The following RAB8A variants were observed in gnomAD, a reference collection of about 807,000 sequenced individuals.
RAB8A encodes ras-related protein Rab-8A.
In RAB8A, 5 loss-of-function variants were observed where a neutral mutation model predicts 29.2. The observed-to-expected ratio is 0.17, with a 90% CI of 0.09 to 0.36. The LOEUF is 0.36. Among genes scored for constraint, RAB8A ranks in the 10% least tolerant of loss-of-function variants. The probability of loss-of-function intolerance (pLI) is 1.00; values close to 1 mark genes in which losing one functional copy is unlikely to be tolerated. For missense variants in RAB8A, 171 were observed against 272.2 expected (o/e 0.63, Z 2.62); for synonymous variants, 108 against 99.9 (o/e 1.08, Z -0.49).
In RAB8A at chr19:16,127,948, C is replaced by A; in HGVS notation, c.415-78C>A. On this transcript the variant is annotated intron_variant, in intron 5 of 7. Transcript: ENST00000300935. This position sits in a 1 kb window ranked among gnomAD's most constrained non-coding sequence, Gnocchi z 4.8. ...CTGCTCCCTCTTGGCGCCGGCCCTG[C>A]CTTCAGCTCCTGTTTTAGGCAAGCT... 1.3e-6 allele frequency: 2 copies of A among 1,486,526 alleles called. No homozygotes were observed. The highest frequency in any genetic ancestry group is 1.4e-5 in the African/African-American group (1 of 72,228). The allele number at this position is 1,486,526 out of a possible 1,614,324, so 92.1% of individuals were successfully genotyped here.
chr19:16,128,138 C>G, intron 6 of RAB8A, 47 bp downstream of exon 6: 1 of 1,593,868 alleles, frequency 6.3e-7, no homozygotes, highest in Non-Finnish European at 8.6e-7. Flanking sequence ...CAGGATCGGC[C>G]CCTTCAGGCT....
At chr19:16,130,775 C>A (rs536899518) in intron 7 of RAB8A, among the ~76,000 whole-genome samples, 1 of 152,208 alleles carries the variant, frequency 6.6e-6, no homozygotes, top group South Asian at 2.1e-4. Context: ...CTCCGCCTCC[C>A]AAGTAGCTGG....
In RAB8A at chr19:16,127,093, G is replaced by A. The variant is rs971532238; in HGVS notation, c.325-344G>A. The A allele has an allele frequency of 1.1e-5, 2 of 184,320 alleles. No individual in the cohort carries two copies. The highest frequency in any genetic ancestry group is 6.2e-5 in the Admixed American group (1 of 16,138). 11.4% of individuals were successfully genotyped at this position (184,320 alleles called of 1,614,324 possible). A position where few individuals can be genotyped will look rare whatever the true frequency, so the allele number is the denominator to read the frequency against. On this transcript the variant is annotated intron_variant, in intron 4 of 7. Coordinates refer to ENST00000300935, the MANE Select transcript of RAB8A (RefSeq NM_005370.5). The surrounding 1 kb of genome is among the most constrained non-coding windows in gnomAD (Gnocchi z 4.8). ...AGGGAAGGAGGAAAGCCAAGGTCGG[G>A]GGGTAAATATCTCAGCCTCACTCAC...
chr19:16,117,063 G>T (rs983935335), intron 1 of RAB8A, among the ~76,000 whole-genome samples: 1 of 152,148 alleles, frequency 6.6e-6, no homozygotes. Context: ...TCAGCATCCT[G>T]TCTTCAAGGT....
intron 1 of RAB8A, 51 bp downstream of exon 1, chr19:16,112,076 G>A: frequency 1.2e-6 from 2 of 1,602,796 alleles, no homozygotes; most frequent in Non-Finnish European, 1.7e-6. Context: ...GGCTGGGCGC[G>A]CCCCTGAGGG....
At chr19:16,131,600 T>C (rs1317254109) in intron 7 of RAB8A, among the ~76,000 whole-genome samples, 3 of 150,558 alleles carry the variant, frequency 2.0e-5, no homozygotes, top group Non-Finnish European at 4.4e-5. Flanking sequence ...GGTGGATGGA[T>C]GGTTGGAAAG....
intron 1 of RAB8A, among the ~76,000 whole-genome samples, chr19:16,113,462 C>T (rs549650216): frequency 2.0e-5 from 3 of 152,248 alleles, no homozygotes; most frequent in Non-Finnish European, 2.9e-5. Flanking sequence ...AATCCAGCGG[C>T]AGGATCTCGG....
At chr19:16,118,651 G>T (rs1448321466) in intron 2 of RAB8A, among the ~76,000 whole-genome samples, 1 of 152,172 alleles carries the variant, frequency 6.6e-6, no homozygotes, top group Non-Finnish European at 1.5e-5. Flanking sequence ...ACTGTGAGAT[G>T]CCCCAGCCGA....
intron 7 of RAB8A, among the ~76,000 whole-genome samples, chr19:16,131,864 T>A (rs1450680895): frequency 7.3e-6 from 1 of 137,012 alleles, no homozygotes; most frequent in Non-Finnish European, 1.6e-5. Context: ...GGTTGGTTGG[T>A]TGGTTGGTTG....
intron 2 of RAB8A, among the ~76,000 whole-genome samples, chr19:16,120,217 C>G (rs1032578494): frequency 2.6e-5 from 4 of 152,080 alleles, no homozygotes; most frequent in Admixed American, 6.6e-5. Context: ...TAGAGCCCTC[C>G]GGGTCCCAGC....
chr19:16,128,076 C>T lies in RAB8A; in HGVS notation c.465C>T (p.Asn155=). The T allele has an allele frequency of 1.2e-6, 2 of 1,614,158 alleles. No individual in the cohort carries two copies. Among genetic ancestry groups the T allele is most frequent in the South Asian group, 1.1e-5 (1 of 91,086 alleles). The part of the protein sequence containing the change: ...IKFMETSAKA[N]INVENAFFTL... ...TCATGGAGACCAGCGCGAAGGCCAACATCAATGTGGAAAATGTGAGTCCCG... is the reference window on the plus strand; with the variant it reads ...TCATGGAGACCAGCGCGAAGGCCAATATCAATGTGGAAAATGTGAGTCCCG... The change falls in exon 6 of 8, where the codon AAC becomes AAT. Residue 155 remains asparagine, a synonymous_variant. Transcript: ENST00000300935.
intron 1 of RAB8A, 86 bp from the exon 2 acceptor site, chr19:16,118,140 C>T: frequency 1.7e-6 from 2 of 1,173,396 alleles, no homozygotes; most frequent in Non-Finnish European, 2.5e-6. Context: ...CAACAGCTGT[C>T]ACCTGCACAG....
chr19:16,112,781 C>A (rs2090830228), intron 1 of RAB8A: 2 of 152,386 alleles, frequency 1.3e-5, no homozygotes, highest in Non-Finnish European at 2.9e-5. Context: ...TCTCCCTGAC[C>A]ATGCTTCCCC....
In RAB8A at chr19:16,132,237, A is replaced by G; in HGVS notation, c.557A>G (p.Asn186Ser). 6.2e-7 allele frequency: 1 copy of G among 1,614,058 alleles called. No individual in the cohort carries two copies. The highest frequency in any genetic ancestry group is 1.1e-5 in the South Asian group (1 of 91,076). Residue 186 changes from asparagine to serine, a missense_variant, in exon 8 of 8, where the codon AAC becomes AGC. Around this residue, in one of 3 missense-constraint regions of RAB8A, gnomAD observed 145 missense variants for 212.8 expected, o/e 0.68. Transcript: ENST00000300935. This position sits in a 1 kb window ranked among gnomAD's most constrained non-coding sequence, Gnocchi z 5.6. Reference protein sequence around the residue: ...KLEGNSPQGSNQGVKITPDQQ... With the variant: ...KLEGNSPQGSSQGVKITPDQQ... ...GAAGGCAACAGCCCCCAGGGGAGCA[A>G]CCAGGGAGTCAAAATCACACCGGAC...
At chr19:16,129,691 T>C in intron 7 of RAB8A, 87 bp downstream of exon 7, 9 of 1,372,052 alleles carry the variant, frequency 6.6e-6, no homozygotes, top group Non-Finnish European at 9.3e-6. Context: ...GTGCCCTAGA[T>C]CCTGCTTTTT....
Position 16,121,807 on chromosome 19 carries a change from A to C in RAB8A, c.243A>C (p.Ala81=). ...RTITTAYYRG[A]MGIMLVYDIT... ...TCACAACGGCCTACTACAGGGGTGC[A>C]ATGGTAGGGACTTTTTGTTTGGTTG... Residue 81 remains alanine, a synonymous_variant, in exon 3 of 8, where the codon GCA becomes GCC. Coordinates refer to ENST00000300935, the MANE Select transcript of RAB8A (RefSeq NM_005370.5). The C allele has an allele frequency of 6.2e-7, 1 of 1,613,492 alleles. No individual in the cohort carries two copies. Among genetic ancestry groups the C allele is most frequent in the Non-Finnish European group, 8.5e-7 (1 of 1,179,406 alleles).
intron 1 of RAB8A, among the ~76,000 whole-genome samples, chr19:16,115,473 C>G (rs2090842286): frequency 6.6e-6 from 1 of 152,200 alleles, no homozygotes; most frequent in African/African-American, 2.4e-5. Flanking sequence ...GGCCCTGTAG[C>G]TCCCTGGAAT....
chr19:16,124,211 C>T (rs2090887416), intron 3 of RAB8A: 1 of 151,910 alleles, frequency 6.6e-6, no homozygotes, highest in African/African-American at 2.4e-5. Context: ...TGAGGTTCTT[C>T]GCCATGGTTG....
At chr19:16,113,468 C>A (rs1243207328) in intron 1 of RAB8A, among the ~76,000 whole-genome samples, 1 of 152,158 alleles carries the variant, frequency 6.6e-6, no homozygotes, top group Non-Finnish European at 1.5e-5. Context: ...GCGGCAGGAT[C>A]TCGGGTCACT....
Sources: allele counts gnomAD v4.1 joint callset (sites outside exome capture counted in the v4.1 genomes callset), GRCh38; gene constraint gnomAD v4.1.1; regional missense constraint gnomAD v4.1.1; non-coding constraint Gnocchi (gnomAD v3.1); transcripts MANE v1.5; gene names NCBI Gene and HGNC (gene_info 2026-07-23, HGNC 2026-07-21).